Variants in TEKT1 observed in about 807,000 individuals in gnomAD.
The protein encoded by TEKT1 is tektin 1, also known as tektin-1.
TEKT1 carries 32 observed loss-of-function variants against 34.8 expected under a neutral mutation model. That is an observed-to-expected ratio of 0.92 (90% confidence interval 0.69 to 1.23). The LOEUF is 1.23. Among genes scored for constraint, TEKT1 ranks in the 50% most tolerant of loss-of-function variants. The pLI is 0.00. For synonymous variants in TEKT1, 207 were observed against 199.8 expected (o/e 1.04, Z -0.30); for missense variants, 492 against 518.5 (o/e 0.95, Z 0.50).
intron 2 of TEKT1, among the ~76,000 whole-genome samples, chr17:6,823,076 G>A (rs1466912936): frequency 1.3e-5 from 2 of 152,218 alleles, no homozygotes; most frequent in East Asian, 1.9e-4. Context: ...ACAGCTGGAA[G>A]AATTACTATG....
At chr17:6,803,449 AG>A (rs568532990) in intron 6 of TEKT1, among the ~76,000 whole-genome samples, 119 of 152,144 alleles carry the variant, frequency 7.8e-4, no homozygotes, top group Middle Eastern at 3.4e-3. Flanking sequence ...GCTGTGCAGA[AG>A]CTCTTTAGTT....
chr17:6,807,596 G>C (rs1422736586), intron 6 of TEKT1, among the ~76,000 whole-genome samples: 1 of 152,128 alleles, frequency 6.6e-6, no homozygotes, highest in Non-Finnish European at 1.5e-5. Flanking sequence ...CATCTTTGTG[G>C]TTTTATCTAC....
chr17:6,819,055 G>T, intron 3 of TEKT1, 138 bp downstream of exon 3: 1 of 1,060,344 alleles, frequency 9.4e-7, no homozygotes, highest in Non-Finnish European at 1.3e-6. Context: ...CCAGGGGCAT[G>T]CTGGGATAAC....
chr17:6,820,533 G>A (rs1365517736), intron 2 of TEKT1, among the ~76,000 whole-genome samples: 1 of 152,100 alleles, frequency 6.6e-6, no homozygotes, highest in East Asian at 1.9e-4. Context: ...GACATTATGA[G>A]ATAGTAAAAT....
At chr17:6,817,085 G>A (rs931599645) in intron 3 of TEKT1, among the ~76,000 whole-genome samples, 4 of 152,156 alleles carry the variant, frequency 2.6e-5, no homozygotes, top group African/African-American at 9.7e-5. Flanking sequence ...AACATAGAAA[G>A]ATGTTTTAGG....
intron 2 of TEKT1, among the ~76,000 whole-genome samples, chr17:6,823,871 G>A (rs559527201): frequency 1.7e-4 from 24 of 139,578 alleles, no homozygotes; most frequent in South Asian, 4.7e-4. Context: ...CACCCAGGCC[G>A]GACTGCAGTG....
At chr17:6,813,118 G>A in intron 5 of TEKT1, 65 bp from the exon 6 acceptor site, 1 of 1,396,954 alleles carries the variant, frequency 7.2e-7, no homozygotes, top group Non-Finnish European at 9.9e-7. Flanking sequence ...TGGGAGAGAG[G>A]GACGAGCTAC....
In TEKT1 at chr17:6,811,922, C is replaced by T. The variant is rs1483496387; in HGVS notation, c.852+909G>A. On this transcript the variant is annotated intron_variant, in intron 6 of 7. Transcript: ENST00000338694. The surrounding 1 kb of genome is among the most constrained non-coding windows in gnomAD (Gnocchi z 4.4). ...TTTGCCGATATCTGTGGTACAAATG[C>T]TCCCACTTTGTATTTGCAGTACAAA... Among the ~76,000 whole-genome samples the T allele has an allele frequency of 1.3e-5, 2 of 152,120 alleles. No individual in the cohort carries two copies. The highest frequency in any genetic ancestry group is 1.9e-4 in the East Asian group (1 of 5,174).
chr17:6,823,962 A>C (rs1452542684), intron 2 of TEKT1, among the ~76,000 whole-genome samples: 2 of 151,716 alleles, frequency 1.3e-5, no homozygotes, highest in African/African-American at 4.8e-5. Context: ...AGCTGGGACT[A>C]CAGGTGCCCA....
At chr17:6,827,668 A>G (rs1375962316) in intron 2 of TEKT1, among the ~76,000 whole-genome samples, 1 of 152,168 alleles carries the variant, frequency 6.6e-6, no homozygotes, top group Non-Finnish European at 1.5e-5. Context: ...CATTGAATAT[A>G]TAGATTAATT....
chr17:6,817,195 G>T (rs1232631412), intron 3 of TEKT1, among the ~76,000 whole-genome samples: 2 of 151,972 alleles, frequency 1.3e-5, no homozygotes, highest in South Asian at 2.1e-4. Context: ...GGCCAACATG[G>T]AGAAACCCCG....
At chr17:6,823,201 T>G (rs991489874) in intron 2 of TEKT1, among the ~76,000 whole-genome samples, 1 of 152,218 alleles carries the variant, frequency 6.6e-6, no homozygotes, top group South Asian at 2.1e-4. Context: ...ATAAAGACTT[T>G]CAACCAATCT....
chr17:6,825,077 A>G (rs1463599215), intron 2 of TEKT1, among the ~76,000 whole-genome samples: 1 of 152,240 alleles, frequency 6.6e-6, no homozygotes, highest in Non-Finnish European at 1.5e-5. Context: ...AAGAACACCA[A>G]TAGGAAATGA....
At chr17:6,802,619 C>T (rs2151581303) in intron 6 of TEKT1, among the ~76,000 whole-genome samples, 2 of 151,080 alleles carry the variant, frequency 1.3e-5, no homozygotes, top group East Asian at 3.9e-4. Flanking sequence ...TCTCCTAATG[C>T]TATCCCTCCC....
At chr17:6,828,792 T>A (rs60829008) in intron 2 of TEKT1, among the ~76,000 whole-genome samples, 36,715 of 152,120 alleles carry the variant, frequency 0.24, 4,522 homozygotes, top group East Asian at 0.28. Flanking sequence ...TTTGATTATT[T>A]AAGGATACTA....
Position 6,799,928 on chromosome 17 carries a change from A to T in TEKT1, c.*99T>A. The T allele has an allele frequency of 8.3e-7, 1 of 1,212,002 alleles. No individual in the cohort carries two copies. The highest frequency in any genetic ancestry group is 1.1e-6 in the Non-Finnish European group (1 of 884,164). 75.1% of individuals were successfully genotyped at this position (1,212,002 alleles called of 1,614,324 possible). On this transcript the variant is annotated 3_prime_UTR_variant, in exon 8 of 8. Coordinates refer to ENST00000338694, the MANE Select transcript of TEKT1 (RefSeq NM_053285.2). ...GGAATGCCAGCCAAGAGGTTGCAGC[A>T]GGCTGGCTAGAGGCCCCGCCAGCCT...
intron 3 of TEKT1, among the ~76,000 whole-genome samples, chr17:6,817,315 C>A (rs570529137): frequency 6.6e-6 from 1 of 151,804 alleles, no homozygotes; most frequent in Non-Finnish European, 1.5e-5. Context: ...GTGGAGGTTT[C>A]GGTGGGCCGA....
intron 3 of TEKT1, 97 bp from the exon 4 acceptor site, chr17:6,816,059 G>T: frequency 6.6e-7 from 1 of 1,508,942 alleles, no homozygotes; most frequent in Non-Finnish European, 8.9e-7. Flanking sequence ...CTGCACGACT[G>T]ATTTGAGTGT....
At chr17:6,819,126 C>T (rs1027268711) in intron 3 of TEKT1, 67 bp downstream of exon 3, 41 of 1,549,852 alleles carry the variant, frequency 2.6e-5, no homozygotes, top group East Asian at 4.5e-5. Flanking sequence ...CGCACACAGC[C>T]GGCATTTACT....
Sources: allele counts gnomAD v4.1 joint callset (sites outside exome capture counted in the v4.1 genomes callset), GRCh38; gene constraint gnomAD v4.1.1; non-coding constraint Gnocchi (gnomAD v3.1); transcripts MANE v1.5; gene names NCBI Gene and HGNC (gene_info 2026-07-23, HGNC 2026-07-21).